The following MYRIP variants were observed in gnomAD, a reference collection of about 807,000 sequenced individuals.
MYRIP encodes myosin VIIA and Rab interacting protein.
In MYRIP, 49 loss-of-function variants were observed where a neutral mutation model predicts 98.0. The observed-to-expected ratio is 0.50, with a 90% CI of 0.40 to 0.63. MYRIP has a LOEUF of 0.63. Among genes scored for constraint, MYRIP ranks in the 30% least tolerant of loss-of-function variants. The pLI, the probability that MYRIP is intolerant of heterozygous loss-of-function variation, is 0.00. For missense variants in MYRIP, 1,004 were observed against 1,058.2 expected (o/e 0.95, Z 0.71); for synonymous variants, 404 against 409.5 (o/e 0.99, Z 0.16).
At chr3:39,812,961 T>TGGG (rs1014049035) in intron 1 of MYRIP, among the ~76,000 whole-genome samples, 1 of 152,166 alleles carries the variant, frequency 6.6e-6, no homozygotes, top group Admixed American at 6.5e-5. Flanking sequence ...GGCCGTGGGA[T>TGGG]GGGGGCAGGT....
At chr3:39,907,796 C>G (rs72868172) in intron 2 of MYRIP, among the ~76,000 whole-genome samples, 2,058 of 152,264 alleles carry the variant, frequency 0.014, 67 homozygotes, top group African/African-American at 0.046. Context: ...GTGGTAGAGT[C>G]TGGATGCGAC....
intron 1 of MYRIP, among the ~76,000 whole-genome samples, chr3:39,877,689 T>C (rs929448709): frequency 6.6e-6 from 1 of 152,180 alleles, no homozygotes; most frequent in Non-Finnish European, 1.5e-5. Flanking sequence ...TGCTGTCTGA[T>C]CGTTCCTCTG....
chr3:39,818,532 TAGTTA>T, intron 1 of MYRIP, among the ~76,000 whole-genome samples: 1 of 152,312 alleles, frequency 6.6e-6, no homozygotes, highest in Non-Finnish European at 1.5e-5. Context: ...TTTGAAAGAA[TAGTTA>T]AGTTGTTTTA....
chr3:40,044,210 A>T lies in MYRIP; in HGVS notation c.271A>T (p.Ser91Cys), dbSNP rs1456157188. Residue 91 changes from serine to cysteine, a missense_variant, in exon 3 of 17, where the codon AGC becomes TGC. Transcript: ENST00000302541. ...AGATTGCAAATTCAATGTCTGCAAG[A>T]GCTGCTGCTCCTACCAGAAGCACGA... ...CGDCKFNVCK[S>C]CCSYQKHEKA... 6.2e-7 allele frequency: 1 copy of T among 1,614,170 alleles called. No individual in the cohort carries two copies. The highest frequency in any genetic ancestry group is 1.7e-5 in the Admixed American group (1 of 60,030).
At chr3:40,018,516 A>C (rs1418718075) in intron 2 of MYRIP, among the ~76,000 whole-genome samples, 1 of 152,168 alleles carries the variant, frequency 6.6e-6, no homozygotes, top group Non-Finnish European at 1.5e-5. Flanking sequence ...TATGCAGACC[A>C]AAGACATGAG....
At chr3:39,923,044 A>T (rs979036404) in intron 2 of MYRIP, among the ~76,000 whole-genome samples, 1 of 152,236 alleles carries the variant, frequency 6.6e-6, no homozygotes, top group African/African-American at 2.4e-5. Context: ...AGAACCAAGT[A>T]GAAATTTTAG....
intron 3 of MYRIP, among the ~76,000 whole-genome samples, chr3:40,051,565 G>A (rs528040825): frequency 6.6e-5 from 10 of 152,066 alleles, no homozygotes; most frequent in South Asian, 6.2e-4. Context: ...TGTGATATTC[G>A]CTTTATTGTG....
At chr3:40,062,182 C>T (rs1424775884) in intron 3 of MYRIP, among the ~76,000 whole-genome samples, 2 of 152,088 alleles carry the variant, frequency 1.3e-5, no homozygotes, top group Non-Finnish European at 2.9e-5. Context: ...TTCCTGTGTC[C>T]AGGATGGTAT....
chr3:40,130,980 C>T (rs1949626225), intron 3 of MYRIP, among the ~76,000 whole-genome samples: 3 of 152,070 alleles, frequency 2.0e-5, no homozygotes, highest in Admixed American at 6.6e-5. Flanking sequence ...CTTCATAACC[C>T]CAGTATTTTG....
chr3:40,240,599 G>T (rs1341200695), intron 12 of MYRIP, among the ~76,000 whole-genome samples: 1 of 152,174 alleles, frequency 6.6e-6, no homozygotes, highest in Non-Finnish European at 1.5e-5. Flanking sequence ...TTAAAAAAGA[G>T]GGCATGGGTA....
intron 4 of MYRIP, among the ~76,000 whole-genome samples, chr3:40,152,852 T>C (rs1044470426): frequency 1.3e-5 from 2 of 152,056 alleles, no homozygotes; most frequent in African/African-American, 4.8e-5. Context: ...CATGGTGGCT[T>C]ATGCTTGGAA....
At chr3:39,976,011 A>G (rs535195068) in intron 2 of MYRIP, among the ~76,000 whole-genome samples, 15 of 152,310 alleles carry the variant, frequency 9.8e-5, no homozygotes, top group African/African-American at 3.4e-4. Context: ...TGTCTAAAAC[A>G]CCAAAAGCAA....
chr3:40,053,989 G>A (rs1220896449), intron 3 of MYRIP, among the ~76,000 whole-genome samples: 1 of 152,162 alleles, frequency 6.6e-6, no homozygotes, highest in African/African-American at 2.4e-5. Context: ...CACAGCCCAT[G>A]GGTATAGCAT....
chr3:39,989,658 C>T (rs1331238810), intron 2 of MYRIP, among the ~76,000 whole-genome samples: 3 of 112,776 alleles, frequency 2.7e-5, no homozygotes, highest in Admixed American at 2.4e-4. Context: ...TGCAGCCACC[C>T]CTCCCGCTAG....
chr3:39,913,308 A>T (rs1944071571), intron 2 of MYRIP, among the ~76,000 whole-genome samples: 1 of 152,170 alleles, frequency 6.6e-6, no homozygotes, highest in Non-Finnish European at 1.5e-5. Flanking sequence ...AGAGGATGAG[A>T]TTCACTTGTT....
Position 40,204,227 on chromosome 3 carries a change from A to ATTATATATTTATATAT in MYRIP, c.1666-5626_1666-5625insTATATATTTATATATT, listed in dbSNP as rs1559452117. Among the ~76,000 whole-genome samples the ATTATATATTTATATAT allele has an allele frequency of 7.6e-5, 2 of 26,396 alleles. 1 individual carries two copies. Among genetic ancestry groups the ATTATATATTTATATAT allele is most frequent in the Non-Finnish European group, 1.6e-4 (2 of 12,492 alleles). The allele number at this position is 26,396 out of a possible 152,430, so 17.3% of individuals were successfully genotyped here. A position where few individuals can be genotyped will look rare whatever the true frequency, so the allele number is the denominator to read the frequency against. ...ATATATTTATATATTATATATAAAT[A>ATTATATATTTATATAT]TATATATATTTTTTTTTTTTGAGAC... On this transcript the variant is annotated intron_variant, in intron 10 of 16. Transcript: ENST00000302541.
At chr3:40,017,323 T>C (rs1244575351) in intron 2 of MYRIP, among the ~76,000 whole-genome samples, 2 of 152,190 alleles carry the variant, frequency 1.3e-5, no homozygotes, top group East Asian at 3.9e-4. Flanking sequence ...GAGTGTATGT[T>C]TAGATACAAT....
intron 2 of MYRIP, among the ~76,000 whole-genome samples, chr3:39,980,611 C>T (rs1218894753): frequency 6.6e-6 from 1 of 152,228 alleles, no homozygotes; most frequent in African/African-American, 2.4e-5. Context: ...GGTGCCTGCT[C>T]TGACCTCATA....
chr3:39,881,735 G>A (rs775738417), intron 1 of MYRIP, among the ~76,000 whole-genome samples: 13 of 152,086 alleles, frequency 8.5e-5, no homozygotes, highest in Non-Finnish European at 1.8e-4. Flanking sequence ...GGTGACTCCT[G>A]ATATTTTAAC....
Sources: allele counts gnomAD v4.1 joint callset (sites outside exome capture counted in the v4.1 genomes callset), GRCh38; gene constraint gnomAD v4.1.1; transcripts MANE v1.5; gene names NCBI Gene and HGNC (gene_info 2026-07-23, HGNC 2026-07-21).